Variants in WDR27 observed in about 807,000 individuals in gnomAD.
The protein encoded by WDR27 is WD repeat domain 27.
WDR27 carries 100 observed loss-of-function variants against 114.4 expected under a neutral mutation model. That is an observed-to-expected ratio of 0.87 (90% CI 0.74 to 1.03). The LOEUF (loss-of-function observed/expected upper bound fraction) is 1.03, where lower values mean the gene tolerates loss of function less well. WDR27 is among the 50% of genes least tolerant of loss of function. The pLI, the probability that WDR27 is intolerant of heterozygous loss-of-function variation, is 0.00. For synonymous variants in WDR27, 449 were observed against 423.1 expected (o/e 1.06, Z -0.75); for missense variants, 1,129 against 1,092.9 (o/e 1.03, Z -0.47).
chr6:169,658,193 T>C lies in WDR27; in HGVS notation c.1402+83A>G. The C allele has an allele frequency of 2.8e-6, 3 of 1,079,694 alleles. No homozygotes were observed. In the Admixed American group the frequency reaches 6.0e-5, roughly 22 times the overall value. 66.9% of individuals were successfully genotyped at this position (1,079,694 alleles called of 1,614,324 possible). On this transcript the variant is annotated intron_variant, in intron 13 of 25. Transcript: ENST00000448612. ...CGGAATGCATATTTTAACATAAGAA[T>C]TCGCAAAGCAATGCAGCAGCCCTAA...
At chr6:169,431,394 A>G in the WDR27 span, among the ~76,000 whole-genome samples, 15 of 152,134 alleles carry the variant, frequency 9.9e-5, no homozygotes, top group Admixed American at 4.6e-4. Context: ...AGCTGCTGAA[A>G]CTACAACACG....
chr6:169,672,261 G>A lies in WDR27; in HGVS notation c.325C>T (p.Leu109Phe), dbSNP rs1373051146. 3 of 1,611,822 alleles carry A rather than the reference G, an allele frequency of 1.9e-6. No homozygotes were observed. Among genetic ancestry groups the A allele is most frequent in the South Asian group, 2.2e-5 (2 of 90,368 alleles). ...GTTTTAGATTTTCATTTACCTTGAA[G>A]TACTTTCTCTCTACATTCATCCAGG... ...WNLDECREKV[L>F]QGLVPRGTVM... The change falls in exon 3 of 26, where the codon CTT (leucine) becomes TTT (phenylalanine). Residue 109 changes from leucine (L) to phenylalanine (F), a missense_variant. Transcript: ENST00000448612.
chr6:169,697,367 G>A (rs114317587), intron 1 of WDR27, among the ~76,000 whole-genome samples: 2,475 of 152,214 alleles, frequency 0.016, 40 homozygotes, highest in African/African-American at 0.041. Context: ...CAGGTGGACC[G>A]AGGTCTAGCG....
Position 169,688,953 on chromosome 6 carries a change from A to G in WDR27, c.53T>C (p.Ile18Thr), listed in dbSNP as rs562314598. ...FSSNGGCLSD[I>T]VIEKYLVESK... is the part of the protein sequence containing the mutation. ...TTCAACCAGGTATTTTTCTATAACT[A>G]TATCACTTAGACAGCCACCATTACT... Residue 18 changes from isoleucine (I) to threonine (T), a missense_variant, in exon 2 of 26, where the codon ATA (isoleucine) becomes ACA (threonine). Transcript: ENST00000448612. 1.2e-5 allele frequency: 20 copies of G among 1,613,778 alleles called. No individual in the cohort carries two copies. The highest frequency in any genetic ancestry group is 4.4e-5 in the South Asian group (4 of 91,024).
At chr6:169,455,184 A>C (rs899909841), downstream of WDR27, among the ~76,000 whole-genome samples, 7 of 152,194 alleles carry the variant, frequency 4.6e-5, no homozygotes, top group African/African-American at 1.7e-4. Flanking sequence ...TCTCAGCCTG[A>C]TCAAGTCGAC....
intron 7 of WDR27, chr6:169,664,696 T>C: frequency 9.9e-7 from 1 of 1,007,158 alleles, no homozygotes; most frequent in African/African-American, 1.7e-5. Flanking sequence ...ATCTAAGTTT[T>C]CAAAATTATC....
chr6:169,577,511 A>C (rs1355435857), intron 24 of WDR27, among the ~76,000 whole-genome samples: 1 of 151,592 alleles, frequency 6.6e-6, no homozygotes, highest in Non-Finnish European at 1.5e-5. Flanking sequence ...AAGGGTCCAC[A>C]CGTGGAGGAC....
intron 4 of WDR27, among the ~76,000 whole-genome samples, chr6:169,669,326 C>G (rs546191396): frequency 2.0e-5 from 3 of 152,288 alleles, no homozygotes; most frequent in African/African-American, 7.2e-5. Context: ...TCAGTTGACA[C>G]GCCTGCTGCT....
At chr6:169,535,922 G>C (rs1342424314) in intron 25 of WDR27, among the ~76,000 whole-genome samples, 3 of 152,210 alleles carry the variant, frequency 2.0e-5, no homozygotes, top group Non-Finnish European at 4.4e-5. Context: ...CCAATCCACT[G>C]TTCCAGACTT....
intron 23 of WDR27, among the ~76,000 whole-genome samples, chr6:169,597,877 T>C (rs3220070): frequency 2.0e-4 from 29 of 142,290 alleles, no homozygotes; most frequent in East Asian, 1.5e-3. Flanking sequence ...TTACCATTCA[T>C]ACACACACAC....
At chr6:169,612,711 AT>A (rs1490704021) in intron 22 of WDR27, among the ~76,000 whole-genome samples, 2 of 151,364 alleles carry the variant, frequency 1.3e-5, no homozygotes, top group Admixed American at 6.6e-5. Context: ...TTTATAGTTA[AT>A]TTTTTTTATA....
At position 169,461,456 on chromosome 6, in the gene WDR27, T is replaced by G. The variant is rs79732167; in HGVS notation, c.2646-3822A>C. Among the ~76,000 whole-genome samples, 253 of 152,218 alleles carry G rather than the reference T, an allele frequency of 1.7e-3. 2 individuals carry two copies. The highest frequency in any genetic ancestry group is 5.8e-3 in the African/African-American group (243 of 41,544). On this transcript the variant is annotated intron_variant, in intron 25 of 25. Coordinates refer to ENST00000448612, the MANE Select transcript of WDR27 (RefSeq NM_182552.5). ...AGGATGAATTTAGAAATTGATAATA[T>G]AAGTTAAACCTGAAAAGTCAAAAAC...
intron 25 of WDR27, among the ~76,000 whole-genome samples, chr6:169,483,099 A>G (rs1788418066): frequency 6.6e-6 from 1 of 152,246 alleles, no homozygotes; most frequent in Non-Finnish European, 1.5e-5. Context: ...TCTCAAATTA[A>G]CAAAGTAACA....
At chr6:169,593,579 G>A (rs1806186156) in intron 23 of WDR27, among the ~76,000 whole-genome samples, 1 of 152,134 alleles carries the variant, frequency 6.6e-6, no homozygotes, top group African/African-American at 2.4e-5. Flanking sequence ...CAGGTATGGT[G>A]GCTCATGCCT....
At chr6:169,474,500 A>G (rs1043162778) in intron 25 of WDR27, among the ~76,000 whole-genome samples, 1 of 152,232 alleles carries the variant, frequency 6.6e-6, no homozygotes, top group Non-Finnish European at 1.5e-5. Context: ...GATGATAAAC[A>G]TTTAATTCAT....
chr6:169,548,619 T>C (rs984326815), intron 25 of WDR27, among the ~76,000 whole-genome samples: 3 of 152,164 alleles, frequency 2.0e-5, no homozygotes, highest in Non-Finnish European at 2.9e-5. Flanking sequence ...AAGAACAAAG[T>C]TGAAGGGGTA....
chr6:169,656,578 CGAGGAGGCCGGGAGGGATCACGT>C (rs570781519), intron 13 of WDR27, among the ~76,000 whole-genome samples: 34 of 152,118 alleles, frequency 2.2e-4, no homozygotes, highest in East Asian at 1.9e-3. Flanking sequence ...GGGCTGAGAA[CGAGGAGGCCGGGAGGGATCACGT>C]GAGGAGGCCT....
intron 23 of WDR27, among the ~76,000 whole-genome samples, chr6:169,595,397 T>C (rs1806586123): frequency 6.6e-6 from 1 of 152,220 alleles, no homozygotes; most frequent in Non-Finnish European, 1.5e-5. Flanking sequence ...TCTAAGACAA[T>C]GCATGTTAGT....
At chr6:169,678,962 A>C (rs749786455) in intron 2 of WDR27, among the ~76,000 whole-genome samples, 3 of 152,146 alleles carry the variant, frequency 2.0e-5, no homozygotes, top group Non-Finnish European at 4.4e-5. Context: ...CTCTCTCTGA[A>C]GTCTGCTATC....
Sources: gnomAD v4.1 joint callset for allele counts (sites outside exome capture counted in the v4.1 genomes callset) on GRCh38, gnomAD v4.1.1 for gene constraint, MANE v1.5 for transcripts, NCBI Gene and HGNC (gene_info 2026-07-23, HGNC 2026-07-21) for gene names.